Variants in RBMS3 observed in about 807,000 individuals in gnomAD.
RBMS3 encodes the protein RNA-binding motif, single-stranded-interacting protein 3.
In RBMS3, 27 loss-of-function variants were observed where a neutral mutation model predicts 66.8. The ratio of observed to expected loss-of-function variants is 0.40; its 90% CI spans 0.30 to 0.56. The LOEUF (loss-of-function observed/expected upper bound fraction) is 0.56, where lower values mean the gene tolerates loss of function less well. Ranked by LOEUF, RBMS3 falls within the 20% of genes least tolerant of loss-of-function variation. RBMS3 has a pLI of 0.40. For synonymous variants in RBMS3, 188 were observed against 183.0 expected (o/e 1.03, Z -0.22); for missense variants, 513 against 549.5 (o/e 0.93, Z 0.66).
At chr3:29,799,774 C>T (rs2057329694) in intron 6 of RBMS3, among the ~76,000 whole-genome samples, 1 of 152,094 alleles carries the variant, frequency 6.6e-6, no homozygotes. Flanking sequence ...GAAAGCTGAT[C>T]CTAAAATTTT....
chr3:29,389,805 T>A (rs957403221), intron 1 of RBMS3, among the ~76,000 whole-genome samples: 1 of 152,168 alleles, frequency 6.6e-6, no homozygotes, highest in Non-Finnish European at 1.5e-5. Context: ...TTTAGTTTTA[T>A]TTCTCTCATA....
intron 4 of RBMS3, among the ~76,000 whole-genome samples, chr3:29,617,229 G>A (rs752325452): frequency 5.9e-5 from 9 of 152,202 alleles, no homozygotes; most frequent in South Asian, 2.1e-4. Context: ...TTTAATACCA[G>A]CTCCAAAACT....
intron 1 of RBMS3, among the ~76,000 whole-genome samples, chr3:29,423,628 G>T (rs1349152626): frequency 2.6e-5 from 4 of 152,186 alleles, no homozygotes; most frequent in Non-Finnish European, 5.9e-5. Flanking sequence ...TATTAGCATT[G>T]TCCAGTAGAA....
At chr3:29,940,948 G>A (rs1411390758) in intron 11 of RBMS3, among the ~76,000 whole-genome samples, 1 of 151,738 alleles carries the variant, frequency 6.6e-6, no homozygotes, top group Non-Finnish European at 1.5e-5. Flanking sequence ...AGAAACCACT[G>A]GAGATTTTAC....
chr3:29,597,909 T>G (rs1321092159), intron 4 of RBMS3, among the ~76,000 whole-genome samples: 1 of 152,120 alleles, frequency 6.6e-6, no homozygotes, highest in Admixed American at 6.6e-5. Flanking sequence ...ATAAACTGTC[T>G]TCCCTGGTGT....
chr3:29,405,073 G>A (rs548006639), intron 1 of RBMS3, among the ~76,000 whole-genome samples: 2 of 152,172 alleles, frequency 1.3e-5, no homozygotes, highest in East Asian at 1.9e-4. Context: ...CTTGCCTAGG[G>A]TTTATGTTTT....
chr3:29,847,653 T>A lies in RBMS3; in HGVS notation c.638-21205T>A, dbSNP rs186547691. On this transcript the variant is annotated intron_variant, in intron 6 of 14. Coordinates refer to ENST00000383767, the MANE Select transcript of RBMS3 (RefSeq NM_001003793.3). The stretch of plus-strand genomic sequence containing the variant: ...CTCCAATTTTGTGTTTTATTTTTTT[T>A]TTTTTATTTTTTATTTTTTTGAGAC... 7.2e-5 allele frequency among the ~76,000 whole-genome samples: 11 copies of A among 152,060 alleles called. No individual in the cohort carries two copies. The East Asian group carries it at 1.6e-3, about 21-fold the overall frequency.
At chr3:29,889,822 G>A (rs567227267) in intron 8 of RBMS3, among the ~76,000 whole-genome samples, 1 of 151,750 alleles carries the variant, frequency 6.6e-6, no homozygotes, top group East Asian at 1.9e-4. Flanking sequence ...AAATGTGACA[G>A]ATGACATCTG....
intron 1 of RBMS3, among the ~76,000 whole-genome samples, chr3:29,389,451 G>A (rs963856547): frequency 3.3e-5 from 5 of 152,156 alleles, no homozygotes; most frequent in African/African-American, 1.2e-4. Context: ...ACAGGGAACT[G>A]TTGAGGGATG....
intron 3 of RBMS3, among the ~76,000 whole-genome samples, chr3:29,563,141 A>T (rs1395807881): frequency 6.6e-6 from 1 of 152,210 alleles, no homozygotes; most frequent in Admixed American, 6.5e-5. Context: ...ATTGTAAAAG[A>T]CTGCCTTTTC....
At chr3:29,520,383 A>C (rs2044809004) in intron 3 of RBMS3, among the ~76,000 whole-genome samples, 2 of 152,224 alleles carry the variant, frequency 1.3e-5, no homozygotes, top group South Asian at 4.1e-4. Context: ...GATACTAGAA[A>C]ATTTGAAATA....
intron 1 of RBMS3, among the ~76,000 whole-genome samples, chr3:29,360,443 T>C (rs2037506388): frequency 1.3e-5 from 2 of 152,070 alleles, no homozygotes; most frequent in Non-Finnish European, 2.9e-5. Flanking sequence ...CTTTTACATT[T>C]GCTGAGGAAT....
At chr3:29,812,012 A>G (rs147669026) in intron 6 of RBMS3, among the ~76,000 whole-genome samples, 134 of 152,284 alleles carry the variant, frequency 8.8e-4, no homozygotes, top group African/African-American at 3.1e-3. Context: ...AAGTCATGAT[A>G]CTTTGTTGTA....
intron 5 of RBMS3, among the ~76,000 whole-genome samples, chr3:29,753,743 C>A (rs2055285937): frequency 6.6e-6 from 1 of 152,202 alleles, no homozygotes; most frequent in South Asian, 2.1e-4. Context: ...TGCCCATAAT[C>A]ATATTTCCTT....
chr3:29,769,522 A>C (rs1367264045), intron 6 of RBMS3, among the ~76,000 whole-genome samples: 1 of 151,906 alleles, frequency 6.6e-6, no homozygotes, highest in East Asian at 1.9e-4. Flanking sequence ...TATTACCTTA[A>C]ATTTTATTAC....
At chr3:29,558,337 G>A (rs554364575) in intron 3 of RBMS3, among the ~76,000 whole-genome samples, 1 of 152,182 alleles carries the variant, frequency 6.6e-6, no homozygotes, top group South Asian at 2.1e-4. Context: ...GGGTTGAAGA[G>A]GAAAGGGGTG....
chr3:29,720,033 C>T (rs1371845), intron 4 of RBMS3, among the ~76,000 whole-genome samples: 80,912 of 151,576 alleles, frequency 0.53, 22,431 homozygotes, highest in African/African-American at 0.69. Context: ...AGTATGTAGA[C>T]CCACATGGCC....
intron 3 of RBMS3, among the ~76,000 whole-genome samples, chr3:29,578,366 G>C (rs1037090238): frequency 6.6e-6 from 1 of 151,810 alleles, no homozygotes; most frequent in Admixed American, 6.6e-5. Context: ...ACATATAAGT[G>C]CTTTTTTTAT....
chr3:29,897,097 G>T (rs2060139759), intron 8 of RBMS3, among the ~76,000 whole-genome samples: 1 of 151,466 alleles, frequency 6.6e-6, no homozygotes, highest in Non-Finnish European at 1.5e-5. Context: ...AACACTCATG[G>T]CTTTTCTCCT....
Sources: gnomAD v4.1 joint callset for allele counts (sites outside exome capture counted in the v4.1 genomes callset) on GRCh38, gnomAD v4.1.1 for gene constraint, MANE v1.5 for transcripts, NCBI Gene and HGNC (gene_info 2026-07-23, HGNC 2026-07-21) for gene names.